The following SUPT7L variants were observed in gnomAD, a reference collection of about 807,000 sequenced individuals.
SUPT7L encodes the protein SPT7 like, STAGA complex subunit gamma.
Under a neutral mutation model 35.7 loss-of-function variants are expected in SUPT7L, and 15 were observed. The observed-to-expected ratio is 0.42, with a 90% confidence interval of 0.28 to 0.65. The LOEUF is 0.65. Among genes scored for constraint, SUPT7L ranks in the 30% least tolerant of loss-of-function variants. SUPT7L has a pLI of 0.23. For synonymous variants in SUPT7L, 168 were observed against 186.2 expected (o/e 0.90, Z 0.79); for missense variants, 434 against 522.2 (o/e 0.83, Z 1.65).
At chr2:27,642,954 T>TACACACACACACACAC in the SUPT7L span, among the ~76,000 whole-genome samples, 687 of 46,704 alleles carry the variant, frequency 0.015, 17 homozygotes, top group Admixed American at 0.092. Flanking sequence ...TATATATATA[T>TACACACACACACACAC]ATATACACAC....
intron 3 of SUPT7L, among the ~76,000 whole-genome samples, chr2:27,659,835 A>G (rs1330409511): frequency 6.6e-6 from 1 of 151,402 alleles, no homozygotes; most frequent in Non-Finnish European, 1.5e-5. Context: ...ATACACACAC[A>G]TATGTGAGAA....
At chr2:27,646,000 G>T (rs1674208839), downstream of SUPT7L, among the ~76,000 whole-genome samples, 1 of 151,740 alleles carries the variant, frequency 6.6e-6, no homozygotes, top group African/African-American at 2.4e-5. Flanking sequence ...AAAGTACTGG[G>T]ATTACAGGTG....
chr2:27,649,275 A>AC (rs1674398110), downstream of SUPT7L, among the ~76,000 whole-genome samples: 3 of 151,762 alleles, frequency 2.0e-5, no homozygotes, highest in South Asian at 2.1e-4. Context: ...AAACAAAAAA[A>AC]CACGAAAACC....
chr2:27,646,962 C>G (rs930525698), downstream of SUPT7L, among the ~76,000 whole-genome samples: 29 of 152,308 alleles, frequency 1.9e-4, no homozygotes, highest in Non-Finnish European at 4.4e-5. Flanking sequence ...GTTAAAACTA[C>G]TGCTGCAAAG....
chr2:27,660,205 G>A (rs1194118432), intron 3 of SUPT7L, among the ~76,000 whole-genome samples: 2 of 152,062 alleles, frequency 1.3e-5, no homozygotes, highest in South Asian at 2.1e-4. Flanking sequence ...TGAGTAGCAG[G>A]GATCAATAAC....
At chr2:27,655,221 G>C in intron 5 of SUPT7L, 144 bp downstream of exon 5, 1 of 644,744 alleles carries the variant, frequency 1.6e-6, no homozygotes, top group East Asian at 2.7e-5. Context: ...CTCTAGATAG[G>C]TGAAACTGTA....
chr2:27,643,486 A>G, the SUPT7L span, among the ~76,000 whole-genome samples: 1 of 152,328 alleles, frequency 6.6e-6, no homozygotes. The surrounding 1 kb of genome is among the most constrained non-coding windows in gnomAD (Gnocchi z 4.0). Context: ...ATCAGAAATC[A>G]GGAAATTAAC....
chr2:27,659,634 T>C (rs1045064716), intron 3 of SUPT7L, among the ~76,000 whole-genome samples: 5 of 152,236 alleles, frequency 3.3e-5, no homozygotes, highest in African/African-American at 1.2e-4. Context: ...TAAATGGTAC[T>C]TAATGTTCAT....
chr2:27,642,826 A>G, the SUPT7L span, among the ~76,000 whole-genome samples: 9 of 152,000 alleles, frequency 5.9e-5, no homozygotes, highest in Non-Finnish European at 1.3e-4. Flanking sequence ...GGGCCTCCCA[A>G]AATGCTGGGA....
chr2:27,653,734 AT>A lies in SUPT7L; in HGVS notation c.995del (p.Asn332MetfsTer11). On this transcript the variant is annotated frameshift_variant, in exon 6 of 6. Transcript: ENST00000337768. LOFTEE classifies it high-confidence loss of function. ...ASPQASSAEV[N>X]ASPLWNLAHV... ...GGGCCAGATTCCAAAGAGGAGAAGC[AT>A]TTACCTCTGCACCTAGAAACAGAGG... 6.2e-7 allele frequency: 1 copy of A among 1,614,226 alleles called. No individual in the cohort carries two copies. The highest frequency in any genetic ancestry group is 1.1e-5 in the South Asian group (1 of 91,092).
Position 27,657,923 on chromosome 2 carries a change from A to ATATC in SUPT7L, c.420-258_420-255dup, listed in dbSNP as rs372482853. Among the ~76,000 whole-genome samples, 607 of 152,348 alleles carry ATATC rather than the reference A, an allele frequency of 4.0e-3. 4 individuals carry two copies. Among genetic ancestry groups the ATATC allele is most frequent in the African/African-American group, 0.014 (582 of 41,572 alleles). On this transcript the variant is annotated intron_variant, in intron 3 of 5. Coordinates refer to ENST00000337768, the MANE Select transcript of SUPT7L (RefSeq NM_014860.3). This position sits in a 1 kb window ranked among gnomAD's most constrained non-coding sequence, Gnocchi z 5.2. ...TGTCTATAATACACAATCCAAAAGGATATCTAGTGAAAAGAAAGTTTCCTT... is the reference window on the plus strand; with the variant it reads ...TGTCTATAATACACAATCCAAAAGGATATCTATCTAGTGAAAAGAAAGTTTCCTT...
At chr2:27,656,600 G>A (rs1674813788) in intron 4 of SUPT7L, among the ~76,000 whole-genome samples, 1 of 150,934 alleles carries the variant, frequency 6.6e-6, no homozygotes, top group Non-Finnish European at 1.5e-5. Flanking sequence ...CTGCTTGAGA[G>A]GCTGAGGCAG....
rs200862829 is a variant in SUPT7L at position 27,653,607 on chromosome 2, C to G, written c.1123G>C (p.Ala375Pro). 8.7e-6 allele frequency: 14 copies of G among 1,614,214 alleles called. No individual in the cohort carries two copies. Among genetic ancestry groups the G allele is most frequent in the Middle Eastern group, 1.6e-4 (1 of 6,062 alleles). The change falls in exon 6 of 6, where the codon GCT (alanine) becomes CCT (proline). Residue 375 changes from alanine to proline, a missense_variant. Physicochemically the swap from Ala to Pro is conservative, Grantham distance 27. Transcript: ENST00000337768. ...FEEPMSGMSEAGIPQSPDDSD... is the reference protein window; with the variant it reads ...FEEPMSGMSEPGIPQSPDDSD... ...TCATCAGGGCTCTGAGGAATCCCAGCTTCACTCATGCCTGACATAGGCTCC... is the reference window on the plus strand; with the variant it reads ...TCATCAGGGCTCTGAGGAATCCCAGGTTCACTCATGCCTGACATAGGCTCC...
At chr2:27,647,744 C>CT, downstream of SUPT7L, 1 of 746,460 alleles carries the variant, frequency 1.3e-6, no homozygotes, top group East Asian at 2.6e-5. Flanking sequence ...ATCATGAGCA[C>CT]TTTCATCCTG....
intron 3 of SUPT7L, among the ~76,000 whole-genome samples, chr2:27,659,568 A>G (rs1674957323): frequency 6.6e-6 from 1 of 152,366 alleles, no homozygotes; most frequent in Admixed American, 6.5e-5. Context: ...TTTACAAAAG[A>G]TATTTTGTAA....
At chr2:27,653,835 C>G in intron 5 of SUPT7L, 88 bp from the exon 6 acceptor site, 6 of 1,499,200 alleles carry the variant, frequency 4.0e-6, no homozygotes, top group Admixed American at 1.8e-5. Flanking sequence ...TCAGAACCAA[C>G]TAATATGCTT....
At chr2:27,648,917 A>G (rs1674373191), downstream of SUPT7L, among the ~76,000 whole-genome samples, 2 of 150,722 alleles carry the variant, frequency 1.3e-5, no homozygotes, top group Admixed American at 6.6e-5. Context: ...GATTACAGGC[A>G]TGAGCCACCA....
chr2:27,643,964 A>C, the SUPT7L span, among the ~76,000 whole-genome samples: 1 of 152,162 alleles, frequency 6.6e-6, no homozygotes, highest in South Asian at 2.1e-4. This position sits in a 1 kb window ranked among gnomAD's most constrained non-coding sequence, Gnocchi z 4.0. Context: ...GGATCACTTG[A>C]GGTCAGGAAT....
At chr2:27,642,956 T>TACAC in the SUPT7L span, among the ~76,000 whole-genome samples, 492 of 85,790 alleles carry the variant, frequency 5.7e-3, 1 homozygote, top group South Asian at 0.014. Context: ...TATATATATA[T>TACAC]ATACACACAC....
Sources: gnomAD v4.1 joint callset for allele counts (sites outside exome capture counted in the v4.1 genomes callset) on GRCh38, gnomAD v4.1.1 for gene constraint, Gnocchi (gnomAD v3.1) non-coding constraint, MANE v1.5 for transcripts, NCBI Gene and HGNC (gene_info 2026-07-23, HGNC 2026-07-21) for gene names.